The following FGF12 variants were observed in gnomAD, a reference collection of about 807,000 sequenced individuals.
The protein encoded by FGF12 is fibroblast growth factor 12B.
Under a neutral mutation model 23.6 loss-of-function variants are expected in FGF12, and 14 were observed. The ratio of observed to expected loss-of-function variants is 0.59; its 90% CI spans 0.39 to 0.93. The LOEUF is 0.93. Among genes scored for constraint, FGF12 ranks in the 40% least tolerant of loss-of-function variants. FGF12 has a pLI of 0.00. For missense variants in FGF12, 175 were observed against 217.8 expected, an observed-to-expected ratio of 0.80 and a Z score of 1.24; for synonymous variants, 62 against 77.3, an observed-to-expected ratio of 0.80 and a Z score of 1.04.
At chr3:192,447,046 T>C (rs1722375084) in intron 2 of FGF12, among the ~76,000 whole-genome samples, 1 of 152,238 alleles carries the variant, frequency 6.6e-6, no homozygotes, top group South Asian at 2.1e-4. Flanking sequence ...ACTTTCCTAA[T>C]ACTCTTAATT....
intron 2 of FGF12, among the ~76,000 whole-genome samples, chr3:192,604,742 T>G (rs777203487): frequency 6.6e-6 from 1 of 152,102 alleles, no homozygotes; most frequent in Non-Finnish European, 1.5e-5. Context: ...AGAGCCTGAA[T>G]AGCAAAAACA....
chr3:192,205,429 C>T (rs1453089215), intron 4 of FGF12, among the ~76,000 whole-genome samples: 3 of 152,124 alleles, frequency 2.0e-5, no homozygotes, highest in East Asian at 1.9e-4. Flanking sequence ...AGAGACGCAG[C>T]GTTCCTGAGG....
At chr3:192,525,999 C>G (rs888464360) in intron 2 of FGF12, among the ~76,000 whole-genome samples, 1 of 152,310 alleles carries the variant, frequency 6.6e-6, no homozygotes, top group Non-Finnish European at 1.5e-5. Context: ...GTCTTGATTT[C>G]CTGACTTCGT....
intron 2 of FGF12, among the ~76,000 whole-genome samples, chr3:192,429,618 A>G (rs1276112152): frequency 6.6e-6 from 1 of 152,196 alleles, no homozygotes; most frequent in Non-Finnish European, 1.5e-5. Context: ...GGCTGCCATG[A>G]AAAATAAGAA....
At chr3:192,412,206 T>C (rs2692699) in intron 2 of FGF12, among the ~76,000 whole-genome samples, 114,583 of 152,138 alleles carry the variant, frequency 0.75, 43,189 homozygotes, top group African/African-American at 0.79. Flanking sequence ...ACCGCCACCC[T>C]GCGCCCCCTA....
At chr3:192,563,950 A>AT (rs1205109305) in intron 2 of FGF12, among the ~76,000 whole-genome samples, 5 of 152,326 alleles carry the variant, frequency 3.3e-5, no homozygotes, top group Admixed American at 3.3e-4. Flanking sequence ...GATGATTACC[A>AT]TTTGGTATGC....
rs1369647151 is a variant in FGF12, at chr3:192,460,683, TA to T, written c.14-100146del. On this transcript the variant is annotated intron_variant, in intron 2 of 5. Transcript: ENST00000445105. Reference sequence around the variant, plus strand: ...ATATACACACACACACACATATATTTATATATATATATATATATATATCCAC... The same window carrying T: ...ATATACACACACACACACATATATTTTATATATATATATATATATATCCAC... 3.0e-3 allele frequency among the ~76,000 whole-genome samples: 193 copies of T among 63,504 alleles called. 2 individuals are homozygous for T. Among genetic ancestry groups the T allele is most frequent in the African/African-American group, 0.013 (167 of 13,064 alleles). 41.7% of individuals were successfully genotyped at this position (63,504 alleles called of 152,430 possible). A position where few individuals can be genotyped will look rare whatever the true frequency, so the allele number is the denominator to read the frequency against.
intron 4 of FGF12, among the ~76,000 whole-genome samples, chr3:192,176,295 A>T (rs1715859079): frequency 6.6e-6 from 1 of 152,154 alleles, no homozygotes; most frequent in Non-Finnish European, 1.5e-5. Context: ...GTTACAGCAA[A>T]CTTTCCTTCC....
chr3:192,332,267 A>G (rs1717163798), intron 4 of FGF12, among the ~76,000 whole-genome samples: 1 of 152,106 alleles, frequency 6.6e-6, no homozygotes, highest in Non-Finnish European at 1.5e-5. Flanking sequence ...TTAGCAAAGT[A>G]TGTCGTGATT....
chr3:192,369,186 G>A (rs1248984550), intron 2 of FGF12, among the ~76,000 whole-genome samples: 2 of 152,328 alleles, frequency 1.3e-5, no homozygotes, highest in African/African-American at 2.4e-5. Flanking sequence ...AGGAGTGTTT[G>A]TATGCTGAAG....
intron 2 of FGF12, among the ~76,000 whole-genome samples, chr3:192,438,464 C>G (rs1722094516): frequency 6.6e-6 from 1 of 152,220 alleles, no homozygotes; most frequent in Non-Finnish European, 1.5e-5. Context: ...AAGAAGCCAT[C>G]TTCAGGGATG....
At chr3:192,384,621 T>G (rs73193582) in intron 2 of FGF12, among the ~76,000 whole-genome samples, 10,718 of 152,248 alleles carry the variant, frequency 0.07, 536 homozygotes, top group Non-Finnish European at 0.11. Context: ...TTAATACATA[T>G]ATGAAAATTC....
chr3:192,198,429 A>G (rs1162734925), intron 4 of FGF12, among the ~76,000 whole-genome samples: 1 of 152,222 alleles, frequency 6.6e-6, no homozygotes, highest in African/African-American at 2.4e-5. Flanking sequence ...GCAAATGAAA[A>G]AAAAAGCTAA....
Position 192,649,369 on chromosome 3 carries a change from T to C in FGF12, c.13+77812A>G, listed in dbSNP as rs1446140511. 3.9e-5 allele frequency among the ~76,000 whole-genome samples: 6 copies of C among 152,088 alleles called. 1 individual carries two copies. The highest frequency in any genetic ancestry group is 7.4e-5 in the Non-Finnish European group (5 of 68,002). On this transcript the variant is annotated intron_variant, in intron 2 of 5. Transcript: ENST00000445105. ...CTAGGCCCTCCCAAAGTGCAGTAAATCTCATTATTCATTGACTTCTCCTTA... is the reference window on the plus strand; with the variant it reads ...CTAGGCCCTCCCAAAGTGCAGTAAACCTCATTATTCATTGACTTCTCCTTA...
chr3:192,564,424 T>A (rs752885115), intron 2 of FGF12, among the ~76,000 whole-genome samples: 5 of 152,172 alleles, frequency 3.3e-5, no homozygotes, highest in Non-Finnish European at 7.4e-5. Context: ...ACCTCAGGGA[T>A]TACATTTTTT....
At chr3:192,669,602 T>TAAAAAAAA (rs59897483) in intron 2 of FGF12, among the ~76,000 whole-genome samples, 12 of 59,526 alleles carry the variant, frequency 2.0e-4, no homozygotes, top group South Asian at 7.2e-4. Flanking sequence ...GACTCTGTCT[T>TAAAAAAAA]AAAAAAAAAA....
intron 2 of FGF12, among the ~76,000 whole-genome samples, chr3:192,427,554 T>A (rs1560108124): frequency 2.0e-5 from 3 of 152,182 alleles, no homozygotes; most frequent in Admixed American, 2.0e-4. Flanking sequence ...GATAGGACAA[T>A]CTGACGTTAA....
chr3:192,613,471 C>A (rs1210681441), intron 2 of FGF12, among the ~76,000 whole-genome samples: 1 of 151,814 alleles, frequency 6.6e-6, no homozygotes. Context: ...GGACTTACTT[C>A]ATTTACCTTT....
At chr3:192,609,486 T>C (rs1339477063) in intron 2 of FGF12, among the ~76,000 whole-genome samples, 1 of 152,102 alleles carries the variant, frequency 6.6e-6, no homozygotes, top group Non-Finnish European at 1.5e-5. Flanking sequence ...AGTTAGTGTG[T>C]TGAACGCTGG....
Sources: gnomAD v4.1 joint callset for allele counts (sites outside exome capture counted in the v4.1 genomes callset) on GRCh38, gnomAD v4.1.1 for gene constraint, MANE v1.5 for transcripts, NCBI Gene and HGNC (gene_info 2026-07-23, HGNC 2026-07-21) for gene names.